TRIT1: variants seen among roughly 807,000 people sequenced by gnomAD.
TRIT1 encodes the protein tRNA isopentenyltransferase 1, also known as tRNA dimethylallyltransferase.
In TRIT1, 43 loss-of-function variants were observed where a neutral mutation model predicts 51.2. The observed-to-expected ratio is 0.84, with a 90% CI of 0.66 to 1.08. The LOEUF is 1.08. Ranked by LOEUF, TRIT1 falls within the 50% of genes least tolerant of loss-of-function variation. The pLI is 0.00. For synonymous variants in TRIT1, 184 were observed against 203.9 expected (o/e 0.90, Z 0.83); for missense variants, 528 against 578.4 (o/e 0.91, Z 0.89).
intron 1 of TRIT1, among the ~76,000 whole-genome samples, chr1:39,873,306 A>G (rs1036510937): frequency 3.9e-5 from 6 of 152,200 alleles, no homozygotes; most frequent in African/African-American, 7.2e-5. Context: ...ATATGATCCA[A>G]TGAGAAGGGT....
At chr1:39,845,835 GCTC>G (rs977793996) in intron 8 of TRIT1, among the ~76,000 whole-genome samples, 2 of 152,164 alleles carry the variant, frequency 1.3e-5, no homozygotes, top group African/African-American at 4.8e-5. Flanking sequence ...ATCACGCACA[GCTC>G]CTGATTTACA....
In TRIT1 at chr1:39,840,702, A is replaced by T. The variant is rs1652521391; in HGVS notation, c.*1042T>A. ...GGAGTGACAAAAACGTTTTGGAAAT[A>T]GTGGCAACGATTGCACAACATTGTG... is the stretch of plus-strand genomic sequence containing the variant. On this transcript the variant is annotated 3_prime_UTR_variant, in exon 11 of 11. Transcript: ENST00000316891. 6.6e-6 allele frequency among the ~76,000 whole-genome samples: 1 copy of T among 152,224 alleles called. No individual in the cohort carries two copies. Among genetic ancestry groups the T allele is most frequent in the Admixed American group, 6.5e-5 (1 of 15,278 alleles).
chr1:39,872,893 C>G (rs1557580492), intron 1 of TRIT1, among the ~76,000 whole-genome samples: 1 of 150,768 alleles, frequency 6.6e-6, no homozygotes, highest in African/African-American at 2.4e-5. Context: ...AGGAAGAAAA[C>G]AAAAAGAAAG....
intron 1 of TRIT1, among the ~76,000 whole-genome samples, chr1:39,866,108 GGAA>G (rs1643542373): frequency 2.0e-5 from 3 of 150,970 alleles, no homozygotes; most frequent in Non-Finnish European, 4.4e-5. Flanking sequence ...AAGGAAGGAA[GGAA>G]GGAAGGAAGG....
At chr1:39,864,308 CA>C (rs889064882) in intron 1 of TRIT1, among the ~76,000 whole-genome samples, 1 of 151,620 alleles carries the variant, frequency 6.6e-6, no homozygotes, top group African/African-American at 2.4e-5. Flanking sequence ...GCCCCAAACA[CA>C]AAGAATTATC....
Position 39,838,607 on chromosome 1 carries a change from G to A in TRIT1, c.*3137C>T, listed in dbSNP as rs2124561337. 6.6e-6 allele frequency among the ~76,000 whole-genome samples: 1 copy of A among 152,208 alleles called. No individual in the cohort carries two copies. Among genetic ancestry groups the A allele is most frequent in the East Asian group, 1.9e-4 (1 of 5,176 alleles). ...CTACCTGAGCCTTCCACGTAGCTGG[G>A]ACTATAGGCATGACCCACCATACCC... On this transcript the variant is annotated 3_prime_UTR_variant, in exon 11 of 11. Coordinates refer to ENST00000316891, the MANE Select transcript of TRIT1 (RefSeq NM_017646.6).
Position 39,847,436 on chromosome 1 carries a change from A to G in TRIT1, c.928+112T>C. 2.8e-6 allele frequency: 4 copies of G among 1,439,704 alleles called. No homozygotes were observed. The South Asian group carries it at 3.5e-5, about 13-fold the overall frequency. The allele number at this position is 1,439,704 out of a possible 1,614,324, so 89.2% of individuals were successfully genotyped here. A position where few individuals can be genotyped will look rare whatever the true frequency, so the allele number is the denominator to read the frequency against. ...TTGGTGGACAAAAATCTCAGTTCTG[A>G]GCTGAAGGCTATTTGGGACGCTTTA... On this transcript the variant is annotated intron_variant, in intron 7 of 10. Coordinates refer to ENST00000316891, the MANE Select transcript of TRIT1 (RefSeq NM_017646.6).
intron 3 of TRIT1, among the ~76,000 whole-genome samples, chr1:39,853,563 T>C (rs977900205): frequency 2.6e-5 from 4 of 151,692 alleles, no homozygotes; most frequent in African/African-American, 9.7e-5. Flanking sequence ...GCCTGGCTAA[T>C]TTTTGTATTT....
intron 10 of TRIT1, among the ~76,000 whole-genome samples, chr1:39,843,693 A>C (rs944548863): frequency 1.3e-5 from 2 of 152,126 alleles, no homozygotes; most frequent in African/African-American, 4.8e-5. Flanking sequence ...GCCCCCTCCC[A>C]GCTATGCTTC....
chr1:39,862,626 A>T (rs536361839), intron 1 of TRIT1, among the ~76,000 whole-genome samples: 2 of 152,376 alleles, frequency 1.3e-5, no homozygotes, highest in South Asian at 4.1e-4. Context: ...AGGCATAAAT[A>T]TCTAAACAAA....
chr1:39,858,841 T>C (rs1181761630), intron 1 of TRIT1, among the ~76,000 whole-genome samples: 1 of 152,180 alleles, frequency 6.6e-6, no homozygotes, highest in Non-Finnish European at 1.5e-5. Flanking sequence ...ACCTGAAAAT[T>C]AATGGAATCA....
intron 3 of TRIT1, 172 bp downstream of exon 3, chr1:39,853,798 T>C (rs542561832): frequency 1.2e-4 from 69 of 579,168 alleles, no homozygotes; most frequent in African/African-American, 1.2e-3. Context: ...TAGACCAGCC[T>C]GGAGGAACAC....
At chr1:39,843,450 G>A (rs1395822256) in intron 10 of TRIT1, among the ~76,000 whole-genome samples, 2 of 152,206 alleles carry the variant, frequency 1.3e-5, no homozygotes, top group Non-Finnish European at 2.9e-5. Flanking sequence ...CTCTGTGGCA[G>A]AGGCAGATCC....
intron 1 of TRIT1, among the ~76,000 whole-genome samples, chr1:39,870,195 A>G (rs1326524399): frequency 6.6e-6 from 1 of 152,040 alleles, no homozygotes; most frequent in Non-Finnish European, 1.5e-5. Flanking sequence ...GGATGCTGTT[A>G]ATCTATGGCC....
chr1:39,881,256 A>G (rs1224664672), intron 1 of TRIT1, among the ~76,000 whole-genome samples: 3 of 151,810 alleles, frequency 2.0e-5, no homozygotes, highest in African/African-American at 7.3e-5. Context: ...GAAGAAAGAA[A>G]TGATAGAACA....
At chr1:39,843,427 G>A (rs935549978) in intron 10 of TRIT1, among the ~76,000 whole-genome samples, 1 of 152,160 alleles carries the variant, frequency 6.6e-6, no homozygotes, top group African/African-American at 2.4e-5. Context: ...CCAATGATGT[G>A]TGTGCAGTGT....
rs914203959 is a variant in TRIT1, at chr1:39,841,587, T to G, written c.*157A>C. 7.3e-6 allele frequency: 5 copies of G among 684,886 alleles called. No individual in the cohort carries two copies. The African/African-American group carries it at 7.3e-5, about 10-fold the overall frequency. The allele number at this position is 684,886 out of a possible 1,614,324, so 42.4% of individuals were successfully genotyped here. On this transcript the variant is annotated 3_prime_UTR_variant, in exon 11 of 11. Coordinates refer to ENST00000316891, the MANE Select transcript of TRIT1 (RefSeq NM_017646.6). ...CCTGCTGTTTCTATTATAGAGAACGTGAGACTTTAAAACCACATCAAAAGA... is the reference window on the plus strand; with the variant it reads ...CCTGCTGTTTCTATTATAGAGAACGGGAGACTTTAAAACCACATCAAAAGA...
At chr1:39,849,913 C>A (rs1380874506) in intron 5 of TRIT1, among the ~76,000 whole-genome samples, 2 of 152,202 alleles carry the variant, frequency 1.3e-5, no homozygotes, top group Non-Finnish European at 2.9e-5. Flanking sequence ...AATGCCAGGG[C>A]TATCCTTTCT....
intron 5 of TRIT1, 108 bp downstream of exon 5, chr1:39,850,011 G>T: frequency 8.8e-7 from 1 of 1,142,282 alleles, no homozygotes; most frequent in Non-Finnish European, 1.3e-6. Context: ...GCTAATACTT[G>T]TTTAGTGTTT....
Sources: gnomAD v4.1 joint callset for allele counts (sites outside exome capture counted in the v4.1 genomes callset) on GRCh38, gnomAD v4.1.1 for gene constraint, MANE v1.5 for transcripts, NCBI Gene and HGNC (gene_info 2026-07-23, HGNC 2026-07-21) for gene names.